The following PRR16 variants were observed in gnomAD, a reference collection of about 807,000 sequenced individuals.
PRR16 encodes protein Largen.
In PRR16, 6 loss-of-function variants were observed where a neutral mutation model predicts 18.2. The ratio of observed to expected loss-of-function variants is 0.33; its 90% CI spans 0.18 to 0.65. PRR16 has a LOEUF of 0.65. Among genes scored for constraint, PRR16 ranks in the 30% least tolerant of loss-of-function variants. The probability of loss-of-function intolerance (pLI) is 0.74; values close to 1 mark genes in which losing one functional copy is unlikely to be tolerated. For missense variants in PRR16, 412 were observed against 376.6 expected (o/e 1.09, Z -0.78); for synonymous variants, 151 against 147.8 (o/e 1.02, Z -0.16).
chr5:120,648,528 CATT>C (rs1362100677), intron 1 of PRR16, among the ~76,000 whole-genome samples: 3 of 151,992 alleles, frequency 2.0e-5, no homozygotes, highest in Non-Finnish European at 4.4e-5. Context: ...TTTGGAGTAA[CATT>C]ATTTTTCTAT....
chr5:120,745,789 C>G, the PRR16 span, among the ~76,000 whole-genome samples: 6 of 151,752 alleles, frequency 4.0e-5, no homozygotes, highest in South Asian at 2.1e-4. Context: ...ACCTCCTCCT[C>G]CCGTGTTCAA....
chr5:120,481,336 G>GC, intron 1 of PRR16: 1 of 409,026 alleles, frequency 2.4e-6, no homozygotes, highest in Non-Finnish European at 4.9e-6. Flanking sequence ...TCACTGTGTT[G>GC]CCCAGTCTGG....
At chr5:120,504,481 G>T (rs1158981308) in intron 1 of PRR16, among the ~76,000 whole-genome samples, 1 of 151,704 alleles carries the variant, frequency 6.6e-6, no homozygotes, top group Non-Finnish European at 1.5e-5. Flanking sequence ...CTACTGTCTT[G>T]AGACTGCCTG....
intron 1 of PRR16, among the ~76,000 whole-genome samples, chr5:120,504,785 A>G (rs963521274): frequency 6.6e-6 from 1 of 152,166 alleles, no homozygotes; most frequent in Non-Finnish European, 1.5e-5. Context: ...AGGAATTTTC[A>G]TATTGCTTCT....
the PRR16 span, among the ~76,000 whole-genome samples, chr5:120,783,394 CT>C: frequency 6.6e-6 from 1 of 151,980 alleles, no homozygotes. Flanking sequence ...CCAAAACAAA[CT>C]TCTCAAAACT....
chr5:120,746,925 T>A, the PRR16 span, among the ~76,000 whole-genome samples: 1 of 152,214 alleles, frequency 6.6e-6, no homozygotes, highest in South Asian at 2.1e-4. Context: ...ACATAGTTAT[T>A]GGATAAAATC....
intron 1 of PRR16, among the ~76,000 whole-genome samples, chr5:120,503,501 C>T (rs916149266): frequency 3.3e-5 from 5 of 151,882 alleles, no homozygotes; most frequent in East Asian, 1.9e-4. Context: ...TTTTTCTGAC[C>T]TATTGTGTGG....
intron 1 of PRR16, among the ~76,000 whole-genome samples, chr5:120,652,511 A>T (rs971837922): frequency 1.3e-5 from 2 of 151,778 alleles, no homozygotes; most frequent in Non-Finnish European, 1.5e-5. Flanking sequence ...TTTAGTAAGT[A>T]TTATTGATGT....
intron 1 of PRR16, among the ~76,000 whole-genome samples, chr5:120,596,687 A>G (rs1753824645): frequency 6.6e-6 from 1 of 151,756 alleles, no homozygotes; most frequent in Non-Finnish European, 1.5e-5. Flanking sequence ...CCCCTAATTC[A>G]GCTCTTCTCT....
chr5:120,633,037 C>G (rs1755109051), intron 1 of PRR16, among the ~76,000 whole-genome samples: 1 of 152,072 alleles, frequency 6.6e-6, no homozygotes, highest in African/African-American at 2.4e-5. Context: ...GATTTTTCAG[C>G]AGAAACCATC....
At chr5:120,595,577 G>A (rs1753773328) in intron 1 of PRR16, among the ~76,000 whole-genome samples, 2 of 151,728 alleles carry the variant, frequency 1.3e-5, no homozygotes, top group African/African-American at 4.8e-5. Context: ...AATAACTATT[G>A]GGTTATATGC....
intron 1 of PRR16, among the ~76,000 whole-genome samples, chr5:120,647,273 C>T (rs926044359): frequency 6.6e-6 from 1 of 151,674 alleles, no homozygotes; most frequent in Admixed American, 6.6e-5. Flanking sequence ...TTGGCTTTAA[C>T]CATATATTTG....
chr5:120,792,947 G>T, the PRR16 span, among the ~76,000 whole-genome samples: 1 of 149,238 alleles, frequency 6.7e-6, no homozygotes, highest in Non-Finnish European at 1.5e-5. Flanking sequence ...GAGCTTAGGA[G>T]TTCGAGACCA....
At chr5:120,557,386 C>T (rs1752448853) in intron 1 of PRR16, among the ~76,000 whole-genome samples, 1 of 151,798 alleles carries the variant, frequency 6.6e-6, no homozygotes, top group African/African-American at 2.4e-5. Flanking sequence ...CTATATAATA[C>T]ATATGTACTT....
At chr5:120,615,046 A>G (rs1017208551) in intron 1 of PRR16, among the ~76,000 whole-genome samples, 2 of 32,224 alleles carry the variant, frequency 6.2e-5, no homozygotes, top group African/African-American at 1.0e-4. Flanking sequence ...TGTTGACTGT[A>G]TAACGGAAAA....
the PRR16 span, among the ~76,000 whole-genome samples, chr5:120,748,428 C>A: frequency 1.1e-4 from 16 of 151,804 alleles, no homozygotes; most frequent in Non-Finnish European, 2.1e-4. Flanking sequence ...CATTCATTCA[C>A]CTGACATTTT....
At chr5:120,766,720 G>T in the PRR16 span, among the ~76,000 whole-genome samples, 1 of 151,804 alleles carries the variant, frequency 6.6e-6, no homozygotes, top group Admixed American at 6.6e-5. Flanking sequence ...ATAGAGTTGG[G>T]TATACAATAG....
the PRR16 span, among the ~76,000 whole-genome samples, chr5:120,785,572 GTTGT>G: frequency 8.3e-5 from 10 of 119,952 alleles, no homozygotes; most frequent in African/African-American, 3.0e-4. Context: ...TTTTGTTGTT[GTTGT>G]TTTTTTTTTT....
chr5:120,794,562 C>T, the PRR16 span, among the ~76,000 whole-genome samples: 1 of 152,090 alleles, frequency 6.6e-6, no homozygotes, highest in African/African-American at 2.4e-5. Flanking sequence ...CGAACTTAAT[C>T]AATAAATGTG....
Sources: gnomAD v4.1 joint callset for allele counts (sites outside exome capture counted in the v4.1 genomes callset) on GRCh38, gnomAD v4.1.1 for gene constraint, MANE v1.5 for transcripts, NCBI Gene and HGNC (gene_info 2026-07-23, HGNC 2026-07-21) for gene names.